Variants in MIPOL1 observed in about 807,000 individuals in gnomAD.
MIPOL1 encodes mirror-image polydactyly gene 1 protein.
MIPOL1 carries 57 observed loss-of-function variants against 60.9 expected under a neutral mutation model. That is an observed-to-expected ratio of 0.94 (90% CI 0.76 to 1.17). The LOEUF is 1.17. Ranked by LOEUF, MIPOL1 falls within the 50% of genes most tolerant of loss-of-function variation. The probability of loss-of-function intolerance (pLI) is 0.00; values close to 1 mark genes in which losing one functional copy is unlikely to be tolerated. For synonymous variants in MIPOL1, 179 were observed against 168.8 expected (o/e 1.06, Z -0.47); for missense variants, 551 against 511.6 (o/e 1.08, Z -0.74).
intron 12 of MIPOL1, among the ~76,000 whole-genome samples, chr14:37,523,900 A>G (rs1430250339): frequency 2.6e-5 from 4 of 152,236 alleles, no homozygotes; most frequent in Admixed American, 2.6e-4. Flanking sequence ...CTCTGAGACC[A>G]GAAGTATAAA....
intron 7 of MIPOL1, among the ~76,000 whole-genome samples, chr14:37,294,879 T>C (rs753128210): frequency 6.6e-6 from 1 of 152,130 alleles, no homozygotes; most frequent in East Asian, 1.9e-4. Flanking sequence ...GAAAACACTC[T>C]GCAGGATATC....
At chr14:37,442,088 T>TTG (rs3985271) in intron 11 of MIPOL1, among the ~76,000 whole-genome samples, 5,815 of 143,692 alleles carry the variant, frequency 0.04, 150 homozygotes, top group Admixed American at 0.09. Flanking sequence ...TTCTACTTTG[T>TTG]TGTGTGTGTG....
intron 10 of MIPOL1, among the ~76,000 whole-genome samples, chr14:37,377,814 C>T (rs1037748196): frequency 1.4e-5 from 2 of 142,016 alleles, no homozygotes; most frequent in Non-Finnish European, 3.0e-5. Flanking sequence ...GTGGTATGAT[C>T]ATAGCTCACT....
chr14:37,334,418 G>A (rs1842038045), intron 9 of MIPOL1, among the ~76,000 whole-genome samples: 2 of 151,996 alleles, frequency 1.3e-5, no homozygotes, highest in Admixed American at 1.3e-4. Flanking sequence ...CAAGACTGTA[G>A]CTTATCCATA....
rs576226819 is a variant in MIPOL1, at chr14:37,380,617, C to T, written c.936+10993C>T. Among the ~76,000 whole-genome samples, 88 of 152,206 alleles carry T rather than the reference C, an allele frequency of 5.8e-4. 1 individual carries two copies. Reference sequence around the variant, plus strand: ...AAATTTCTGTGGAGATTATTTATGACAAATGTAAATGTAATACTTATGATA... The same window carrying T: ...AAATTTCTGTGGAGATTATTTATGATAAATGTAAATGTAATACTTATGATA... On this transcript the variant is annotated intron_variant, in intron 10 of 12. Coordinates refer to ENST00000684589, the MANE Select transcript of MIPOL1 (RefSeq NM_001388067.1).
At chr14:37,458,072 T>TA (rs563916343) in intron 11 of MIPOL1, among the ~76,000 whole-genome samples, 159 of 142,606 alleles carry the variant, frequency 1.1e-3, no homozygotes, top group African/African-American at 2.8e-3. Context: ...TCAAAAACAG[T>TA]AAAAAAAAAA....
At chr14:37,209,260 G>A (rs1225982245) in intron 1 of MIPOL1, among the ~76,000 whole-genome samples, 1 of 152,140 alleles carries the variant, frequency 6.6e-6, no homozygotes, top group Non-Finnish European at 1.5e-5. Context: ...AAAATCCAGT[G>A]GGACATCTCT....
chr14:37,305,653 A>G (rs1029027847), intron 7 of MIPOL1, among the ~76,000 whole-genome samples: 1 of 151,884 alleles, frequency 6.6e-6, no homozygotes, highest in African/African-American at 2.4e-5. Flanking sequence ...TTAAAAAAAT[A>G]CAAGTAGAGA....
At chr14:37,393,506 C>A (rs892565392) in intron 10 of MIPOL1, among the ~76,000 whole-genome samples, 1 of 150,852 alleles carries the variant, frequency 6.6e-6, no homozygotes, top group Non-Finnish European at 1.5e-5. Context: ...AACATCAAAC[C>A]TGGGTGGTTC....
chr14:37,240,838 G>T (rs533189375), intron 1 of MIPOL1, among the ~76,000 whole-genome samples: 2 of 151,964 alleles, frequency 1.3e-5, no homozygotes, highest in Admixed American at 6.6e-5. Flanking sequence ...TGAAAATGTG[G>T]AAGCCATATA....
chr14:37,419,514 C>T (rs1471212991), intron 10 of MIPOL1, among the ~76,000 whole-genome samples: 2 of 152,142 alleles, frequency 1.3e-5, no homozygotes, highest in Middle Eastern at 3.4e-3. Flanking sequence ...TTGAAAAATC[C>T]ATATGTGTAC....
intron 1 of MIPOL1, among the ~76,000 whole-genome samples, chr14:37,225,155 C>A (rs144021490): frequency 1.3e-5 from 2 of 152,306 alleles, no homozygotes; most frequent in East Asian, 3.9e-4. Context: ...CTTTCACAGG[C>A]TGGCATTGAG....
At chr14:37,228,167 A>G (rs1970039983) in intron 1 of MIPOL1, among the ~76,000 whole-genome samples, 1 of 152,176 alleles carries the variant, frequency 6.6e-6, no homozygotes, top group African/African-American at 2.4e-5. Context: ...CAGGGACTTA[A>G]GAACCATACA....
chr14:37,218,085 G>T (rs984649000), intron 1 of MIPOL1, among the ~76,000 whole-genome samples: 2 of 151,848 alleles, frequency 1.3e-5, no homozygotes, highest in Non-Finnish European at 2.9e-5. Flanking sequence ...GGATTTTTCA[G>T]CTTATCTTTC....
chr14:37,347,569 T>G (rs2153468584), intron 9 of MIPOL1, among the ~76,000 whole-genome samples: 1 of 152,336 alleles, frequency 6.6e-6, no homozygotes, highest in East Asian at 1.9e-4. Context: ...CTGTGGATTT[T>G]CCATCTTTAA....
chr14:37,223,330 G>A (rs1446918419), intron 1 of MIPOL1, among the ~76,000 whole-genome samples: 1 of 151,924 alleles, frequency 6.6e-6, no homozygotes. Context: ...ACCGTGCCTG[G>A]CCTGGTGTTT....
At chr14:37,298,091 A>T (rs1379002617) in intron 7 of MIPOL1, among the ~76,000 whole-genome samples, 1 of 152,224 alleles carries the variant, frequency 6.6e-6, no homozygotes, top group Non-Finnish European at 1.5e-5. Context: ...TGGTGCTGGT[A>T]CCAAAACAGA....
At chr14:37,304,478 T>C (rs1463561538) in intron 7 of MIPOL1, among the ~76,000 whole-genome samples, 9 of 151,886 alleles carry the variant, frequency 5.9e-5, no homozygotes. Flanking sequence ...CTCTTTGCTA[T>C]TGTTGGTACT....
intron 11 of MIPOL1, among the ~76,000 whole-genome samples, chr14:37,477,145 C>T (rs1254226006): frequency 1.3e-5 from 2 of 151,900 alleles, no homozygotes; most frequent in Non-Finnish European, 2.9e-5. Flanking sequence ...GGTTATCCAC[C>T]CACCTTGGCC....
Sources: allele counts gnomAD v4.1 joint callset (sites outside exome capture counted in the v4.1 genomes callset), GRCh38; gene constraint gnomAD v4.1.1; transcripts MANE v1.5; gene names NCBI Gene and HGNC (gene_info 2026-07-23, HGNC 2026-07-21).